PDPR: variants seen among roughly 807,000 people sequenced by gnomAD.
The protein encoded by PDPR is pyruvate dehydrogenase phosphatase regulatory subunit, also known as pyruvate dehydrogenase phosphatase regulatory subunit, mitochondrial.
In PDPR, 50 loss-of-function variants were observed where a neutral mutation model predicts 102.2. The ratio of observed to expected loss-of-function variants is 0.49; its 90% CI spans 0.39 to 0.62. The LOEUF (loss-of-function observed/expected upper bound fraction) is 0.62, where lower values mean the gene tolerates loss of function less well. Ranked by LOEUF, PDPR falls within the 20% of genes least tolerant of loss-of-function variation. PDPR has a pLI of 0.00. For synonymous variants in PDPR, 259 were observed against 406.0 expected (o/e 0.64, Z 4.35); for missense variants, 625 against 1,098.2 (o/e 0.57, Z 6.09).
rs1242487214 is a variant in PDPR, at chr16:70,162,260, A to T, written c.*5381A>T. On this transcript the variant is annotated 3_prime_UTR_variant, in exon 19 of 19. Coordinates refer to ENST00000288050, the MANE Select transcript of PDPR (RefSeq NM_017990.5). The stretch of plus-strand genomic sequence containing the variant: ...ATTGTAACTACTGTAGAGTCCTGTG[A>T]CTCATCGTTTGTGTTTGTCAATTTG... The T allele has an allele frequency of 2.0e-5, 3 of 152,762 alleles. No homozygotes were observed. The highest frequency in any genetic ancestry group is 1.9e-4 in the East Asian group (1 of 5,192). The allele number at this position is 152,762 out of a possible 1,614,324, so 9.5% of individuals were successfully genotyped here.
chr16:70,134,266 C>T (rs1294645853), intron 9 of PDPR, among the ~76,000 whole-genome samples: 1 of 152,066 alleles, frequency 6.6e-6, no homozygotes, highest in Non-Finnish European at 1.5e-5. Flanking sequence ...TGCTCTGTTG[C>T]CCAGGCTGGA....
At chr16:70,123,033 T>TG (rs1180975467) in intron 3 of PDPR, among the ~76,000 whole-genome samples, 1 of 152,040 alleles carries the variant, frequency 6.6e-6, no homozygotes, top group Non-Finnish European at 1.5e-5. Flanking sequence ...CCCAAGTAGC[T>TG]GGGATTAATA....
At chr16:70,132,104 C>T (rs1964596858) in intron 8 of PDPR, 47 bp from the exon 9 acceptor site, 1 of 1,590,480 alleles carries the variant, frequency 6.3e-7, no homozygotes, top group Non-Finnish European at 8.6e-7. Flanking sequence ...CCTCTAAACC[C>T]TTGTTTTTTC....
At chr16:70,118,913 G>GATGGAC (rs1962927672) in intron 2 of PDPR, among the ~76,000 whole-genome samples, 1 of 152,092 alleles carries the variant, frequency 6.6e-6, no homozygotes, top group South Asian at 2.1e-4. Flanking sequence ...ATCTCTGATG[G>GATGGAC]ATGGACATAG....
At chr16:70,122,757 T>A (rs1264541609) in intron 3 of PDPR, among the ~76,000 whole-genome samples, 1 of 152,262 alleles carries the variant, frequency 6.6e-6, no homozygotes, top group Non-Finnish European at 1.5e-5. Flanking sequence ...GATTTTTTGA[T>A]CATACTTCTA....
intron 3 of PDPR, among the ~76,000 whole-genome samples, chr16:70,121,353 A>G (rs1170993128): frequency 6.6e-6 from 1 of 151,904 alleles, no homozygotes; most frequent in Non-Finnish European, 1.5e-5. Context: ...CTTATAATCC[A>G]TCATTAATTA....
intron 9 of PDPR, among the ~76,000 whole-genome samples, chr16:70,133,111 C>CTGTTTTTTTTTT (rs1964712426): frequency 1.0e-5 from 1 of 97,230 alleles, no homozygotes. Flanking sequence ...TACCCAGCTG[C>CTGTTTTTTTTTT]TTTTTTTTTT....
intron 10 of PDPR, among the ~76,000 whole-genome samples, chr16:70,137,260 A>G (rs200803664): frequency 6.6e-6 from 1 of 152,186 alleles, no homozygotes; most frequent in South Asian, 2.1e-4. Context: ...GGAGGCTGAG[A>G]CAGGAGAATG....
rs1161460559 is a variant in PDPR at position 70,120,694 on chromosome 16, G to A, written c.202G>A (p.Asp68Asn). ...TCACCTCTCCAAAATGGGGTGGAAG[G>A]ATATTGTCCTTTTGGAGCAGGGCAG... ...AYHLSKMGWK[D>N]IVLLEQGRLA... is the part of the protein sequence containing the mutation. Residue 68 changes from aspartate (D) to asparagine (N), a missense_variant, in exon 3 of 19, where the codon GAT becomes AAT. Around this residue, in one of 11 missense-constraint regions of PDPR, gnomAD observed 84 missense variants for 87.7 expected, o/e 0.96. Transcript: ENST00000288050. 1 of 1,612,978 alleles carries A rather than the reference G, an allele frequency of 6.2e-7. No individual in the cohort carries two copies. The highest frequency in any genetic ancestry group is 1.3e-5 in the African/African-American group (1 of 74,900).
At chr16:70,150,180 C>T (rs530467199) in intron 17 of PDPR, among the ~76,000 whole-genome samples, 15 of 146,024 alleles carry the variant, frequency 1.0e-4, no homozygotes, top group African/African-American at 1.0e-4. Flanking sequence ...CTAGGCTCAC[C>T]GCAACCTCTG....
intron 3 of PDPR, among the ~76,000 whole-genome samples, chr16:70,124,046 C>T (rs7199885): frequency 0.27 from 37,201 of 140,274 alleles, 1,236 homozygotes; most frequent in Non-Finnish European, 0.31. Flanking sequence ...CAGAGCAAGA[C>T]TCAGTCTCAA....
In PDPR at chr16:70,141,503, G is replaced by A. The variant is rs558845478; in HGVS notation, c.1316-731G>A. On this transcript the variant is annotated intron_variant, in intron 11 of 18. Transcript: ENST00000288050. ...GTTAATTATCAGGGAGGAAATGTCTGTAACAGGTCTGAGATCCTAACACAG... is the reference window on the plus strand; with the variant it reads ...GTTAATTATCAGGGAGGAAATGTCTATAACAGGTCTGAGATCCTAACACAG... Among the ~76,000 whole-genome samples the A allele has an allele frequency of 4.6e-5, 7 of 152,390 alleles. No individual in the cohort carries two copies. The South Asian group carries it at 1.0e-3, about 23-fold the overall frequency.
chr16:70,153,358 T>C (rs957830373), intron 17 of PDPR, 33 bp from the exon 18 acceptor site: 7 of 1,594,072 alleles, frequency 4.4e-6, no homozygotes, highest in Non-Finnish European at 6.0e-6. Context: ...TCTGAAGGTC[T>C]GCTGCTTATG....
At position 70,148,500 on chromosome 16, in the gene PDPR, A is replaced by G; in HGVS notation, c.1999A>G (p.Met667Val). 6.2e-7 allele frequency: 1 copy of G among 1,613,670 alleles called. No homozygotes were observed. Residue 667 changes from methionine to valine, a missense_variant, in exon 17 of 19, where the codon ATG (methionine) becomes GTG (valine). Physicochemically the swap from Met to Val is conservative, Grantham distance 21. Coordinates refer to ENST00000288050, the MANE Select transcript of PDPR (RefSeq NM_017990.5). ...GGGCTATGCAAATGGGATCCGGGTG[A>G]TGAGCATGACGCACACAGGAGAGCC... ...SVGYANGIRV[M>V]SMTHTGEPGF...
intron 3 of PDPR, among the ~76,000 whole-genome samples, chr16:70,123,198 G>A (rs1249514920): frequency 2.6e-5 from 4 of 152,226 alleles, no homozygotes; most frequent in Admixed American, 2.0e-4. Context: ...CACCGTGCCC[G>A]GCCCGCAGTG....
intron 13 of PDPR, among the ~76,000 whole-genome samples, chr16:70,143,300 G>C (rs1965919266): frequency 6.6e-6 from 1 of 152,260 alleles, no homozygotes; most frequent in Admixed American, 6.5e-5. Flanking sequence ...CCTTGTTTCA[G>C]GTTTTTAATT....
At position 70,121,364 on chromosome 16, in the gene PDPR, ATAT is replaced by A. The variant is rs1963249026; in HGVS notation, c.227+649_227+651del. Reference sequence around the variant, plus strand: ...GATTCTTATAATCCATCATTAATTAATATTATACCACTATACAAGTAATGTTAG... The same window carrying A: ...GATTCTTATAATCCATCATTAATTAATATACCACTATACAAGTAATGTTAG... On this transcript the variant is annotated intron_variant, in intron 3 of 18. Coordinates refer to ENST00000288050, the MANE Select transcript of PDPR (RefSeq NM_017990.5). Among the ~76,000 whole-genome samples the A allele has an allele frequency of 6.6e-5, 10 of 152,012 alleles. No individual in the cohort carries two copies. The South Asian group carries it at 2.1e-3, about 32-fold the overall frequency.
At chr16:70,145,003 C>T (rs1328214344) in intron 15 of PDPR, among the ~76,000 whole-genome samples, 1 of 152,178 alleles carries the variant, frequency 6.6e-6, no homozygotes, top group African/African-American at 2.4e-5. Flanking sequence ...ACCTGTAATC[C>T]CAGCACTTTG....
intron 11 of PDPR, among the ~76,000 whole-genome samples, chr16:70,140,222 T>G (rs1424436902): frequency 6.6e-6 from 1 of 152,204 alleles, no homozygotes; most frequent in East Asian, 1.9e-4. Context: ...ACACCTGAAG[T>G]CCCAGCTACT....
Sources: allele counts gnomAD v4.1 joint callset (sites outside exome capture counted in the v4.1 genomes callset), GRCh38; gene constraint gnomAD v4.1.1; regional missense constraint gnomAD v4.1.1; transcripts MANE v1.5; gene names NCBI Gene and HGNC (gene_info 2026-07-23, HGNC 2026-07-21).